The following DLG2 variants were observed in gnomAD, a reference collection of about 807,000 sequenced individuals.
The protein encoded by DLG2 is discs large MAGUK scaffold protein 2, also known as disks large homolog 2.
DLG2 carries 45 observed loss-of-function variants against 132.5 expected under a neutral mutation model. That is an observed-to-expected ratio of 0.34 (90% CI 0.27 to 0.44). The LOEUF (loss-of-function observed/expected upper bound fraction) is 0.44, where lower values mean the gene tolerates loss of function less well. Among genes scored for constraint, DLG2 ranks in the 20% least tolerant of loss-of-function variants. The probability of loss-of-function intolerance (pLI) is 1.00; values close to 1 mark genes in which losing one functional copy is unlikely to be tolerated. For missense variants in DLG2, 1,045 were observed against 1,196.9 expected (o/e 0.87, Z 1.87); for synonymous variants, 424 against 419.6 (o/e 1.01, Z -0.13).
At chr11:85,496,701 C>A (rs571824232) in intron 3 of DLG2, among the ~76,000 whole-genome samples, 3 of 152,216 alleles carry the variant, frequency 2.0e-5, no homozygotes, top group East Asian at 3.9e-4. Flanking sequence ...CGCTCGTGCC[C>A]CTCTCAGATG....
chr11:85,442,569 G>C (rs2091834852), intron 3 of DLG2, among the ~76,000 whole-genome samples: 1 of 152,080 alleles, frequency 6.6e-6, no homozygotes, highest in Non-Finnish European at 1.5e-5. Context: ...GAAATTAAAA[G>C]TTTTCTTTTG....
At chr11:85,483,740 T>A (rs1308801209) in intron 3 of DLG2, among the ~76,000 whole-genome samples, 1 of 151,824 alleles carries the variant, frequency 6.6e-6, no homozygotes, top group Admixed American at 6.6e-5. Context: ...GGTCAGGAGT[T>A]CAAGACCAGC....
At position 84,815,350 on chromosome 11, in the gene DLG2, T is replaced by C. The variant is rs955906125; in HGVS notation, c.358-280619A>G. Among the ~76,000 whole-genome samples, 3 of 152,056 alleles carry C rather than the reference T, an allele frequency of 2.0e-5. No homozygotes were observed. In the East Asian group the frequency reaches 5.8e-4, roughly 30 times the overall value. On this transcript the variant is annotated intron_variant, in intron 6 of 27. Coordinates refer to ENST00000376104, the MANE Select transcript of DLG2 (RefSeq NM_001142699.3). ...TGTCCCAGGACATGGAATCCTGGTT[T>C]AGTCAAAATTTGATGACATCTCCAA...
intron 10 of DLG2, among the ~76,000 whole-genome samples, chr11:84,093,338 TCTG>T (rs1410740631): frequency 1.3e-5 from 2 of 152,304 alleles, no homozygotes; most frequent in East Asian, 3.9e-4. Flanking sequence ...GGGGCCTCTG[TCTG>T]CTCCTAGAGA....
chr11:85,263,163 A>C (rs1328240914), intron 4 of DLG2, among the ~76,000 whole-genome samples: 1 of 152,204 alleles, frequency 6.6e-6, no homozygotes, highest in Admixed American at 6.5e-5. Flanking sequence ...AGGGCCTTAC[A>C]CTGGATGAAT....
At chr11:84,336,183 A>G (rs1207133862) in intron 7 of DLG2, among the ~76,000 whole-genome samples, 1 of 152,210 alleles carries the variant, frequency 6.6e-6, no homozygotes, top group East Asian at 1.9e-4. Flanking sequence ...GGGTAATTCA[A>G]ATTCCCCAAC....
At chr11:84,741,129 C>T (rs1249314842) in intron 6 of DLG2, among the ~76,000 whole-genome samples, 1 of 137,552 alleles carries the variant, frequency 7.3e-6, no homozygotes, top group African/African-American at 2.8e-5. Flanking sequence ...TGCTGTGGCG[C>T]GATCTCCGCT....
chr11:84,207,671 A>T (rs999752246), intron 8 of DLG2, among the ~76,000 whole-genome samples: 2 of 152,230 alleles, frequency 1.3e-5, no homozygotes, highest in Non-Finnish European at 2.9e-5. Context: ...TGTAATAGTT[A>T]AAACTATAAA....
At chr11:85,602,596 G>A (rs1207611390) in intron 2 of DLG2, among the ~76,000 whole-genome samples, 1 of 151,930 alleles carries the variant, frequency 6.6e-6, no homozygotes, top group Non-Finnish European at 1.5e-5. Flanking sequence ...TGTTGCCCAG[G>A]CTGGCCTACA....
intron 7 of DLG2, among the ~76,000 whole-genome samples, chr11:84,462,910 T>A (rs1319961453): frequency 6.6e-6 from 1 of 151,258 alleles, no homozygotes; most frequent in Admixed American, 6.6e-5. Context: ...CAATGAAGAA[T>A]GATTTTTGAG....
chr11:84,822,657 A>C (rs2077835529), intron 6 of DLG2, among the ~76,000 whole-genome samples: 1 of 151,958 alleles, frequency 6.6e-6, no homozygotes, highest in South Asian at 2.1e-4. Flanking sequence ...TAAGATGTTA[A>C]GATGGTAGTA....
intron 3 of DLG2, among the ~76,000 whole-genome samples, chr11:85,510,213 A>T (rs2094028302): frequency 6.6e-6 from 1 of 152,058 alleles, no homozygotes; most frequent in Admixed American, 6.6e-5. Flanking sequence ...TTAAGAAAAG[A>T]ATCATACAAT....
intron 6 of DLG2, among the ~76,000 whole-genome samples, chr11:84,540,833 C>T (rs1221811884): frequency 2.0e-5 from 3 of 152,112 alleles, no homozygotes; most frequent in Non-Finnish European, 4.4e-5. Context: ...AAATGTGGCA[C>T]ATATACACCA....
At chr11:84,845,940 G>C (rs2081413195) in intron 6 of DLG2, among the ~76,000 whole-genome samples, 1 of 152,016 alleles carries the variant, frequency 6.6e-6, no homozygotes. Flanking sequence ...AAAGTGCTGA[G>C]ATTACAGGTG....
chr11:83,651,564 C>G (rs1368191128), intron 18 of DLG2: 8 of 197,694 alleles, frequency 4.0e-5, no homozygotes, highest in Non-Finnish European at 8.6e-5. Context: ...TAGTGTTTAG[C>G]ATAACTCTTT....
rs757354317 is a variant in DLG2 at position 85,562,986 on chromosome 11, C to T, written c.40+35671G>A. 8.6e-5 allele frequency among the ~76,000 whole-genome samples: 13 copies of T among 151,706 alleles called. 1 individual carries two copies. The highest frequency in any genetic ancestry group is 1.3e-4 in the Non-Finnish European group (9 of 67,820). ...TCAGGATTAAATATATATTCTTTGG[C>T]TCACCTTTAAAGCCTTTAATTCCTC... On this transcript the variant is annotated intron_variant, in intron 3 of 27. Transcript: ENST00000376104.
chr11:83,889,886 C>G (rs1203145527), intron 15 of DLG2, among the ~76,000 whole-genome samples: 1 of 144,478 alleles, frequency 6.9e-6, no homozygotes, highest in Non-Finnish European at 1.5e-5. Flanking sequence ...CGCATATTCT[C>G]ACTCATAGAT....
chr11:85,252,121 T>A (rs1311778993), intron 4 of DLG2, among the ~76,000 whole-genome samples: 1 of 152,138 alleles, frequency 6.6e-6, no homozygotes, highest in Non-Finnish European at 1.5e-5. Flanking sequence ...TATGAGCTTA[T>A]AATTAAGCTG....
intron 3 of DLG2, among the ~76,000 whole-genome samples, chr11:85,475,950 G>T (rs2093128028): frequency 6.6e-6 from 1 of 152,108 alleles, no homozygotes; most frequent in Admixed American, 6.6e-5. Context: ...AATATCCAAA[G>T]ATCTAAGAAA....
Sources: gnomAD v4.1 joint callset for allele counts (sites outside exome capture counted in the v4.1 genomes callset) on GRCh38, gnomAD v4.1.1 for gene constraint, MANE v1.5 for transcripts, NCBI Gene and HGNC (gene_info 2026-07-23, HGNC 2026-07-21) for gene names.